SPIRE2: variants seen among roughly 807,000 people sequenced by gnomAD.
SPIRE2 encodes protein spire homolog 2.
A neutral mutation model predicts 80.7 loss-of-function variants in SPIRE2; 76 were observed. That is an observed-to-expected ratio of 0.94 (90% CI 0.78 to 1.14). The LOEUF is 1.14. SPIRE2 is among the 50% of genes most tolerant of loss of function. The pLI is 0.00. For synonymous variants in SPIRE2, 535 were observed against 432.6 expected (o/e 1.24, Z -2.94); for missense variants, 1,196 against 1,015.3 (o/e 1.18, Z -2.42).
At chr16:89,836,370 C>G in intron 1 of SPIRE2, 4 of 398,702 alleles carry the variant, frequency 1.0e-5, no homozygotes, top group South Asian at 6.9e-5. Context: ...TGCAGCGGAC[C>G]GGGGGCCGAG....
In SPIRE2 at chr16:89,861,613, C is replaced by G. The variant is rs572524884; in HGVS notation, c.1575+818C>G. On this transcript the variant is annotated intron_variant, in intron 10 of 14. Transcript: ENST00000378247. Reference sequence around the variant, plus strand: ...AAAATAACAAATATATATTATCTCACAGTTTCTGAGGGTTGGGACTCCGGC... The same window carrying G: ...AAAATAACAAATATATATTATCTCAGAGTTTCTGAGGGTTGGGACTCCGGC... 3.3e-5 allele frequency among the ~76,000 whole-genome samples: 5 copies of G among 152,320 alleles called. 1 individual carries two copies. The South Asian group carries it at 8.3e-4, about 25-fold the overall frequency.
At position 89,864,004 on chromosome 16, in the gene SPIRE2, A is replaced by T. The variant is rs146991595; in HGVS notation, c.1778+143A>T. 1,407 of 602,758 alleles carry T rather than the reference A, an allele frequency of 2.3e-3. 11 individuals are homozygous for T. The highest frequency in any genetic ancestry group is 6.6e-3 in the Admixed American group (206 of 31,104). The allele number at this position is 602,758 out of a possible 1,614,324, so 37.3% of individuals were successfully genotyped here. On this transcript the variant is annotated intron_variant, in intron 12 of 14. Transcript: ENST00000378247. ...GATGAGTCCACAAGATATGGTTAGT[A>T]CGAATGAGGAGTTAAATTTTAAATT...
intron 1 of SPIRE2, among the ~76,000 whole-genome samples, chr16:89,844,199 T>C (rs982383802): frequency 6.6e-6 from 1 of 151,734 alleles, no homozygotes; most frequent in Non-Finnish European, 1.5e-5. Context: ...CACGCTCTGT[T>C]GCCCAAGCTG....
chr16:89,867,615 C>T (rs1355087741), intron 12 of SPIRE2, among the ~76,000 whole-genome samples: 2 of 144,622 alleles, frequency 1.4e-5, no homozygotes, highest in African/African-American at 2.6e-5. Flanking sequence ...GACAGAGTTT[C>T]GCTCAGTCCC....
Position 89,863,361 on chromosome 16 carries a change from G to T in SPIRE2, c.1576-115G>T, listed in dbSNP as rs955252518. 2.8e-5 allele frequency: 33 copies of T among 1,162,666 alleles called. No homozygotes were observed. Among genetic ancestry groups the T allele is most frequent in the Non-Finnish European group, 4.0e-5 (33 of 825,746 alleles). The allele number at this position is 1,162,666 out of a possible 1,614,324, so 72.0% of individuals were successfully genotyped here. Reference sequence around the variant, plus strand: ...AAGATGGCTGATGGACAGCGTTTTAGAAGGTCGCAGGCTTGTTTAGGCTGA... The same window carrying T: ...AAGATGGCTGATGGACAGCGTTTTATAAGGTCGCAGGCTTGTTTAGGCTGA... On this transcript the variant is annotated intron_variant, in intron 10 of 14. Transcript: ENST00000378247. The surrounding 1 kb of genome is among the most constrained non-coding windows in gnomAD (Gnocchi z 4.3).
At chr16:89,859,928 A>G (rs963107484) in intron 9 of SPIRE2, among the ~76,000 whole-genome samples, 13 of 152,166 alleles carry the variant, frequency 8.5e-5, no homozygotes, top group African/African-American at 3.1e-4. Context: ...GTGGGGCCAG[A>G]GTCTCGGGAC....
chr16:89,836,506 AG>A (rs2041451082), intron 1 of SPIRE2: 1 of 293,110 alleles, frequency 3.4e-6, no homozygotes, highest in South Asian at 3.1e-5. Flanking sequence ...TGTGGATGGT[AG>A]GACGGTTCCC....
At chr16:89,843,691 G>GTTTTTT (rs1224567542) in intron 1 of SPIRE2, among the ~76,000 whole-genome samples, 9 of 20,636 alleles carry the variant, frequency 4.4e-4, no homozygotes, top group Admixed American at 7.7e-4. Context: ...GTTTGTTTTT[G>GTTTTTT]TTTTTTGTTT....
At chr16:89,856,799 C>G (rs1333375167) in intron 7 of SPIRE2, among the ~76,000 whole-genome samples, 2 of 151,844 alleles carry the variant, frequency 1.3e-5, no homozygotes, top group East Asian at 3.9e-4. Context: ...GTAGCTCATG[C>G]CTTGTAATCC....
Position 89,850,436 on chromosome 16 carries a change from G to A in SPIRE2, c.421G>A (p.Gly141Ser), listed in dbSNP as rs554550046. 97 of 1,575,168 alleles carry A rather than the reference G, an allele frequency of 6.2e-5. 2 individuals are homozygous for A. In the South Asian group the frequency reaches 9.8e-4, roughly 16 times the overall value. ...LMANNDSEDSGCGAADEGYGG... is the reference protein window; with the variant it reads ...LMANNDSEDSSCGAADEGYGG... ...GGCCAACAACGACAGCGAGGACAGC[G>A]GCTGCGGTGCCGCCGATGAGGGCTA... is the stretch of plus-strand genomic sequence containing the variant. The change falls in exon 3 of 15, where the codon GGC becomes AGC. Residue 141 changes from glycine (G) to serine (S), a missense_variant. Coordinates refer to ENST00000378247, the MANE Select transcript of SPIRE2 (RefSeq NM_032451.2).
intron 10 of SPIRE2, 133 bp downstream of exon 10, chr16:89,860,928 G>A (rs1597222696): frequency 1.7e-6 from 1 of 577,496 alleles, no homozygotes; most frequent in South Asian, 2.3e-5. Flanking sequence ...TCCGTCTGGG[G>A]GGGCGCGGTC....
chr16:89,831,566 T>A (rs1235646905), intron 1 of SPIRE2, among the ~76,000 whole-genome samples: 1 of 149,810 alleles, frequency 6.7e-6, no homozygotes, highest in Non-Finnish European at 1.5e-5. Flanking sequence ...CCCGGCTAAT[T>A]TTTTGTATTT....
chr16:89,832,302 G>C (rs1423127593), intron 1 of SPIRE2, among the ~76,000 whole-genome samples: 1 of 152,240 alleles, frequency 6.6e-6, no homozygotes, highest in Non-Finnish European at 1.5e-5. Context: ...GGCTGGCTGG[G>C]CCTCCTCAGT....
Position 89,870,389 on chromosome 16 carries a change from A to G in SPIRE2, c.*117A>G. On this transcript the variant is annotated 3_prime_UTR_variant, in exon 15 of 15. Coordinates refer to ENST00000378247, the MANE Select transcript of SPIRE2 (RefSeq NM_032451.2). ...ATAGATACATTTATAATATATACAC[A>G]CAGTCTATATATTTATATACACTGT... The G allele has an allele frequency of 1.6e-6, 1 of 640,032 alleles. No individual in the cohort carries two copies. Among genetic ancestry groups the G allele is most frequent in the Non-Finnish European group, 2.7e-6 (1 of 367,482 alleles). 39.6% of individuals were successfully genotyped at this position (640,032 alleles called of 1,614,324 possible). A position where few individuals can be genotyped will look rare whatever the true frequency, so the allele number is the denominator to read the frequency against.
At chr16:89,859,134 C>G in intron 8 of SPIRE2, 31 bp from the exon 9 acceptor site, 1 of 1,502,570 alleles carries the variant, frequency 6.7e-7, no homozygotes, top group Non-Finnish European at 9.0e-7. Context: ...CGGGCATTGT[C>G]AGGGCAGGGC....
At chr16:89,843,722 C>G (rs1225238945) in intron 1 of SPIRE2, among the ~76,000 whole-genome samples, 1 of 36,448 alleles carries the variant, frequency 2.7e-5, no homozygotes, top group East Asian at 1.8e-3. Context: ...TTTTTTGAGA[C>G]AGAGTCTCGC....
intron 8 of SPIRE2, 149 bp from the exon 9 acceptor site, chr16:89,859,016 C>A: frequency 1.5e-6 from 1 of 677,174 alleles, no homozygotes; most frequent in Non-Finnish European, 2.4e-6. Context: ...ACGAACTGTC[C>A]AGAGGCGGGC....
At position 89,828,508 on chromosome 16, in the gene SPIRE2, A is replaced by G. The variant is rs998184744; in HGVS notation, c.-43A>G. On this transcript the variant is annotated 5_prime_UTR_variant, in exon 1 of 15. An upstream start codon of the reference 5' UTR is lost. Coordinates refer to ENST00000378247, the MANE Select transcript of SPIRE2 (RefSeq NM_032451.2). The surrounding 1 kb of genome is among the most constrained non-coding windows in gnomAD (Gnocchi z 5.9). ...CCTGCGCGGCGGAAGGCGCGGCTGC[A>G]TGGACGCGGGTCCGGCGCGCGGGAG... is the stretch of plus-strand genomic sequence containing the variant. 6.9e-5 allele frequency: 70 copies of G among 1,013,514 alleles called. 1 individual carries two copies. In the African/African-American group the frequency reaches 8.3e-4, roughly 12 times the overall value. 62.8% of individuals were successfully genotyped at this position (1,013,514 alleles called of 1,614,324 possible).
chr16:89,861,814 G>T (rs920441311), intron 10 of SPIRE2, among the ~76,000 whole-genome samples: 3 of 152,092 alleles, frequency 2.0e-5, no homozygotes, highest in African/African-American at 7.2e-5. Flanking sequence ...GGCCTCTCTC[G>T]GGCTGCTTGG....
Sources: gnomAD v4.1 joint callset for allele counts (sites outside exome capture counted in the v4.1 genomes callset) on GRCh38, gnomAD v4.1.1 for gene constraint, Gnocchi (gnomAD v3.1) non-coding constraint, MANE v1.5 for transcripts, NCBI Gene and HGNC (gene_info 2026-07-23, HGNC 2026-07-21) for gene names.